Variants in USH2A observed in about 807,000 individuals in gnomAD.
The protein encoded by USH2A is usherin, also known as Usher syndrome 2A (autosomal recessive, mild).
Under a neutral mutation model 538.9 loss-of-function variants are expected in USH2A, and 443 were observed. The observed-to-expected ratio is 0.82, with a 90% CI of 0.76 to 0.89. USH2A has a LOEUF of 0.89. USH2A is among the 40% of genes least tolerant of loss of function. The probability of loss-of-function intolerance (pLI) is 0.00; values close to 1 mark genes in which losing one functional copy is unlikely to be tolerated. For synonymous variants in USH2A, 2,413 were observed against 2,273.5 expected (o/e 1.06, Z -1.75); for missense variants, 6,633 against 6,324.8 (o/e 1.05, Z -1.65).
At chr1:215,835,385 C>T (rs945507481) in intron 47 of USH2A, among the ~76,000 whole-genome samples, 7 of 152,024 alleles carry the variant, frequency 4.6e-5, no homozygotes, top group African/African-American at 1.7e-4. Context: ...GACTTGTCTA[C>T]TTGCTTTTGA....
At chr1:216,096,880 A>G (rs1230760920) in intron 22 of USH2A, among the ~76,000 whole-genome samples, 1 of 152,206 alleles carries the variant, frequency 6.6e-6, no homozygotes, top group Non-Finnish European at 1.5e-5. Flanking sequence ...TGATGGTTTA[A>G]AAGTTAGCTC....
chr1:216,323,432 G>A lies in USH2A; in HGVS notation c.1550+42C>T, dbSNP rs201890084. On this transcript the variant is annotated intron_variant, in intron 8 of 71. Coordinates refer to ENST00000307340, the MANE Select transcript of USH2A (RefSeq NM_206933.4). Reference sequence around the variant, plus strand: ...TCTTAATGTGCTGTTAAGACAGTAAGTATGACAAAAACCTTGTTGAAAACA... The same window carrying A: ...TCTTAATGTGCTGTTAAGACAGTAAATATGACAAAAACCTTGTTGAAAACA... The A allele has an allele frequency of 5.7e-5, 91 of 1,593,988 alleles. 1 individual carries two copies. In the Middle Eastern group the frequency reaches 1.2e-3, roughly 20 times the overall value.
chr1:216,014,926 CATG>C (rs1361210980), intron 32 of USH2A, among the ~76,000 whole-genome samples: 1 of 152,194 alleles, frequency 6.6e-6, no homozygotes. Context: ...TCTTTAAACT[CATG>C]GTGTAAACTG....
intron 16 of USH2A, among the ~76,000 whole-genome samples, chr1:216,202,981 A>C (rs765532679): frequency 8.5e-5 from 13 of 152,144 alleles, no homozygotes; most frequent in Non-Finnish European, 1.8e-4. Flanking sequence ...CTCCCCACTC[A>C]GTAAGGAGAA....
intron 4 of USH2A, among the ~76,000 whole-genome samples, chr1:216,361,031 T>C (rs890299885): frequency 6.6e-6 from 1 of 152,062 alleles, no homozygotes; most frequent in African/African-American, 2.4e-5. Flanking sequence ...TAAAACTAAA[T>C]ATTTTGGCCC....
chr1:216,309,463 TTTG>T (rs2037381160), intron 9 of USH2A, among the ~76,000 whole-genome samples: 1 of 152,252 alleles, frequency 6.6e-6, no homozygotes, highest in Non-Finnish European at 1.5e-5. Context: ...CACATTTAGA[TTTG>T]TTGTGATTGT....
At chr1:216,398,336 A>T (rs901426789) in intron 3 of USH2A, among the ~76,000 whole-genome samples, 1 of 152,188 alleles carries the variant, frequency 6.6e-6, no homozygotes, top group African/African-American at 2.4e-5. Flanking sequence ...AACATGGCAA[A>T]TTCCCTAGTT....
intron 64 of USH2A, among the ~76,000 whole-genome samples, chr1:215,661,165 T>C (rs2102652984): frequency 6.6e-6 from 1 of 152,330 alleles, no homozygotes; most frequent in South Asian, 2.1e-4. Context: ...AGAAGCAGCA[T>C]CAATCTGAGT....
Position 216,421,807 on chromosome 1 carries a change from T to G in USH2A, c.485+45A>C. On this transcript the variant is annotated intron_variant, in intron 2 of 71. Transcript: ENST00000307340. ...AGGCTGAAATGATCTTCACTACTAC[T>G]GGTTTTGGGGACCTATGAAAGCTTA... The G allele has an allele frequency of 3.7e-6, 6 of 1,613,582 alleles. No homozygotes were observed. In the South Asian group the frequency reaches 6.6e-5, roughly 18 times the overall value.
At chr1:215,678,724 ACACACACACG>A (rs1180048392) in intron 62 of USH2A, among the ~76,000 whole-genome samples, 2 of 152,284 alleles carry the variant, frequency 1.3e-5, no homozygotes, top group South Asian at 2.1e-4. Context: ...ACACACACAC[ACACACACACG>A]CACGTGCACT....
chr1:215,694,894 T>A (rs1316634589), intron 61 of USH2A, among the ~76,000 whole-genome samples: 1 of 152,194 alleles, frequency 6.6e-6, no homozygotes, highest in Non-Finnish European at 1.5e-5. Context: ...AATTCAGCAC[T>A]CATATAGCAA....
In USH2A at chr1:215,759,751, G is replaced by C. The variant is rs1173446759; in HGVS notation, c.11140C>G (p.Gln3714Glu). 1 of 1,614,032 alleles carries C rather than the reference G, an allele frequency of 6.2e-7. No homozygotes were observed. Among genetic ancestry groups the C allele is most frequent in the Non-Finnish European group, 8.5e-7 (1 of 1,179,966 alleles). ...LPEKPNGLVS[Q>E]YQLSRNGNLL... ...TTTCCATTACGACTCAATTGATATT[G>C]AGAAACGAGGCCATTGGGCTTTTCT... Residue 3714 changes from glutamine to glutamate, a missense_variant, in exon 57 of 72, where the codon CAA becomes GAA. By Grantham distance (29) the Gln-to-Glu change is conservative (BLOSUM62 2). Coordinates refer to ENST00000307340, the MANE Select transcript of USH2A (RefSeq NM_206933.4).
intron 53 of USH2A, 24 bp downstream of exon 53, chr1:215,782,714 T>C (rs780805174): frequency 6.2e-7 from 1 of 1,609,318 alleles, no homozygotes; most frequent in South Asian, 1.1e-5. Context: ...TTTTGTTATT[T>C]GTATTTTAAA....
intron 11 of USH2A, among the ~76,000 whole-genome samples, chr1:216,285,001 A>G (rs1004009528): frequency 1.3e-5 from 2 of 152,192 alleles, no homozygotes; most frequent in African/African-American, 4.8e-5. Flanking sequence ...AGTAAGTGTT[A>G]AAGAGGAAGC....
At chr1:215,800,035 C>G (rs1380552493) in intron 49 of USH2A, among the ~76,000 whole-genome samples, 1 of 151,978 alleles carries the variant, frequency 6.6e-6, no homozygotes, top group East Asian at 1.9e-4. Flanking sequence ...AATCTTTTGC[C>G]TGGTACCTTA....
chr1:215,969,530 G>A (rs569739830), intron 36 of USH2A, among the ~76,000 whole-genome samples: 1 of 151,350 alleles, frequency 6.6e-6, no homozygotes, highest in South Asian at 2.1e-4. Flanking sequence ...CATGTGACGT[G>A]TTCTTTTGTT....
intron 20 of USH2A, among the ~76,000 whole-genome samples, chr1:216,182,826 C>G (rs1157301306): frequency 1.3e-5 from 2 of 152,068 alleles, no homozygotes; most frequent in Non-Finnish European, 2.9e-5. Context: ...TTTCCAAAAG[C>G]TGCCAGATCC....
At chr1:215,758,210 C>T (rs1660868248) in intron 58 of USH2A, among the ~76,000 whole-genome samples, 2 of 151,428 alleles carry the variant, frequency 1.3e-5, no homozygotes, top group Admixed American at 1.3e-4. Context: ...TGTTTGAACC[C>T]AGGAGTCGGA....
At chr1:215,806,508 A>G (rs1662505169) in intron 49 of USH2A, among the ~76,000 whole-genome samples, 1 of 152,116 alleles carries the variant, frequency 6.6e-6, no homozygotes. Flanking sequence ...TGGGATTCAT[A>G]CAGGATGCTA....
Sources: gnomAD v4.1 joint callset for allele counts (sites outside exome capture counted in the v4.1 genomes callset) on GRCh38, gnomAD v4.1.1 for gene constraint, MANE v1.5 for transcripts, NCBI Gene and HGNC (gene_info 2026-07-23, HGNC 2026-07-21) for gene names.